Variants in INSL6 observed in about 807,000 individuals in gnomAD.
INSL6 encodes the protein insulin-like peptide INSL6.
A neutral mutation model predicts 9.4 loss-of-function variants in INSL6; 16 were observed. The ratio of observed to expected loss-of-function variants is 1.70; its 90% confidence interval spans 1.15 to 2.59. The LOEUF is 2.59. Among genes scored for constraint, INSL6 ranks in the 30% most tolerant of loss-of-function variants. INSL6 has a pLI of 0.00. For synonymous variants in INSL6, 154 were observed against 96.9 expected (o/e 1.59, Z -3.46); for missense variants, 391 against 257.3 (o/e 1.52, Z -3.56).
At chr9:5,115,785 A>G in the INSL6 span, among the ~76,000 whole-genome samples, 1 of 152,226 alleles carries the variant, frequency 6.6e-6, no homozygotes, top group Non-Finnish European at 1.5e-5. Flanking sequence ...GCTAGAAACC[A>G]TAATTCTCAG....
chr9:5,047,370 T>C, the INSL6 span, among the ~76,000 whole-genome samples: 2 of 152,188 alleles, frequency 1.3e-5, no homozygotes, highest in Non-Finnish European at 2.9e-5. Context: ...GGTAAGCAAA[T>C]AAAAATCAAA....
chr9:5,055,929 A>G, the INSL6 span: 2 of 687,576 alleles, frequency 2.9e-6, no homozygotes, highest in Non-Finnish European at 4.7e-6. Context: ...CAGTTCAGTA[A>G]ACTTTTTGAT....
chr9:5,123,044 G>A, downstream of INSL6: 2 of 1,611,356 alleles, frequency 1.2e-6, no homozygotes, highest in Non-Finnish European at 1.7e-6. Flanking sequence ...GTTTTCTGTG[G>A]CCTCAGATGT....
chr9:5,180,101 G>A (rs1014689795), intron 1 of INSL6, among the ~76,000 whole-genome samples: 3 of 152,214 alleles, frequency 2.0e-5, no homozygotes, highest in African/African-American at 4.8e-5. Context: ...CTGGAGCCAT[G>A]GCAGAGGAAC....
At chr9:5,044,481 T>C in the INSL6 span, 2 of 1,612,256 alleles carry the variant, frequency 1.2e-6, no homozygotes, top group African/African-American at 2.7e-5. Context: ...CTGAAGCTCC[T>C]CTTCTTGATG....
At chr9:4,993,375 C>G in the INSL6 span, among the ~76,000 whole-genome samples, 1 of 152,194 alleles carries the variant, frequency 6.6e-6, no homozygotes, top group African/African-American at 2.4e-5. Context: ...AAAGATTGTT[C>G]TGAGTCCATT....
At chr9:5,114,306 C>A in the INSL6 span, 1 of 542,830 alleles carries the variant, frequency 1.8e-6, no homozygotes, top group Non-Finnish European at 3.6e-6. Context: ...GACTTGGTCC[C>A]AGGCCAGTGG....
At chr9:5,011,568 A>G in the INSL6 span, among the ~76,000 whole-genome samples, 3 of 152,296 alleles carry the variant, frequency 2.0e-5, no homozygotes, top group East Asian at 5.8e-4. Flanking sequence ...TGTAAATTCT[A>G]TTACATATGT....
the INSL6 span, among the ~76,000 whole-genome samples, chr9:5,106,526 T>C: frequency 6.6e-6 from 1 of 152,128 alleles, no homozygotes; most frequent in African/African-American, 2.4e-5. Flanking sequence ...GAAATACCAT[T>C]TGACCCAGCC....
At chr9:5,124,272 G>T (rs1431621722) in exon 4 of INSL6, among the ~76,000 whole-genome samples, 3 of 151,702 alleles carry the variant, frequency 2.0e-5, no homozygotes, top group Non-Finnish European at 3.0e-5. Context: ...TCTTTGCCAT[G>T]AATTCTTTGT....
In INSL6 at chr9:5,158,291, CAG is replaced by C. The variant is rs370287412; in HGVS notation, c.376+5886_376+5887del. On this transcript the variant is annotated intron_variant, in intron 2 of 3. Coordinates refer to the INSL6 transcript ENST00000649639. ...AGAATGTTTTTCAAAGAGATAATAACAGAGAACTTCCCAAACCTATAGAAAGG... is the reference window on the plus strand; with the variant it reads ...AGAATGTTTTTCAAAGAGATAATAACAGAACTTCCCAAACCTATAGAAAGG... Among the ~76,000 whole-genome samples the C allele has an allele frequency of 6.2e-4, 95 of 152,230 alleles. No homozygotes were observed. In the East Asian group the frequency reaches 0.014, roughly 22 times the overall value.
At chr9:5,160,645 A>C (rs985739861), downstream of INSL6, among the ~76,000 whole-genome samples, 5 of 152,190 alleles carry the variant, frequency 3.3e-5, no homozygotes, top group African/African-American at 1.2e-4. Flanking sequence ...AAGATCAACG[A>C]AACACAAAGT....
chr9:5,116,174 A>C, the INSL6 span, among the ~76,000 whole-genome samples: 4 of 152,234 alleles, frequency 2.6e-5, no homozygotes, highest in East Asian at 7.7e-4. Flanking sequence ...TATGATTATT[A>C]TCTCTATTTT....
intron 1 of INSL6, among the ~76,000 whole-genome samples, chr9:5,175,069 A>C (rs1825267268): frequency 6.6e-6 from 1 of 151,806 alleles, no homozygotes. Context: ...TCTCCCGAGT[A>C]GCTGGGACTA....
the INSL6 span, among the ~76,000 whole-genome samples, chr9:5,009,324 A>T: frequency 6.6e-6 from 1 of 152,224 alleles, no homozygotes; most frequent in Non-Finnish European, 1.5e-5. Context: ...GCCGTGAAGA[A>T]TATCCACAAA....
At chr9:5,008,669 T>C in the INSL6 span, among the ~76,000 whole-genome samples, 2 of 152,220 alleles carry the variant, frequency 1.3e-5, no homozygotes, top group Non-Finnish European at 2.9e-5. Flanking sequence ...TTCTTTGTTA[T>C]CTTTGGTGTT....
the INSL6 span, chr9:5,111,442 T>G: frequency 3.0e-5 from 12 of 393,732 alleles, no homozygotes; most frequent in Non-Finnish European, 3.9e-5. Flanking sequence ...AGGTCCCGCC[T>G]GGTCTTCCAT....
At chr9:5,030,005 T>C in the INSL6 span, 2 of 984,468 alleles carry the variant, frequency 2.0e-6, no homozygotes, top group South Asian at 1.8e-5. Flanking sequence ...ACCAGATACC[T>C]GAACCAATTA....
At chr9:5,105,518 C>T in the INSL6 span, among the ~76,000 whole-genome samples, 1 of 152,116 alleles carries the variant, frequency 6.6e-6, no homozygotes, top group South Asian at 2.1e-4. Flanking sequence ...CAATGCCATC[C>T]CCATCAAGCT....
Sources: allele counts gnomAD v4.1 joint callset (sites outside exome capture counted in the v4.1 genomes callset), GRCh38; gene constraint gnomAD v4.1.1; transcripts MANE v1.5; gene names NCBI Gene and HGNC (gene_info 2026-07-23, HGNC 2026-07-21).